Variants in ZNF804B observed in about 807,000 individuals in gnomAD.
The protein encoded by ZNF804B is zinc finger 804B.
In ZNF804B, 80 loss-of-function variants were observed where a neutral mutation model predicts 101.4. That is an observed-to-expected ratio of 0.79 (90% CI 0.66 to 0.95). The LOEUF (loss-of-function observed/expected upper bound fraction) is 0.95. Ranked by LOEUF, ZNF804B falls within the 40% of genes least tolerant of loss-of-function variation. The pLI, the probability that ZNF804B is intolerant of heterozygous loss-of-function variation, is 0.00. For synonymous variants in ZNF804B, 622 were observed against 558.8 expected (o/e 1.11, Z -1.59); for missense variants, 1,673 against 1,561.9 (o/e 1.07, Z -1.20).
chr7:88,852,064 AAAT>A (rs1193181853), intron 1 of ZNF804B, among the ~76,000 whole-genome samples: 5 of 152,120 alleles, frequency 3.3e-5, no homozygotes, highest in African/African-American at 1.2e-4. Context: ...ACCATGGAAG[AAAT>A]GAAGCCCAAG....
intron 1 of ZNF804B, among the ~76,000 whole-genome samples, chr7:88,916,640 A>T (rs1792636222): frequency 6.6e-6 from 1 of 152,190 alleles, no homozygotes; most frequent in Admixed American, 6.5e-5. Flanking sequence ...CTTATTTAAT[A>T]TATACAAGTT....
intron 1 of ZNF804B, among the ~76,000 whole-genome samples, chr7:88,915,568 A>G (rs750353726): frequency 7.2e-5 from 11 of 152,056 alleles, no homozygotes; most frequent in Non-Finnish European, 1.5e-4. Flanking sequence ...ATTTTCAAAA[A>G]CAGAGTTTTT....
At chr7:88,851,140 T>C (rs1236395566) in intron 1 of ZNF804B, among the ~76,000 whole-genome samples, 1 of 152,070 alleles carries the variant, frequency 6.6e-6, no homozygotes, top group African/African-American at 2.4e-5. Context: ...AGTAGATTGT[T>C]GGTGAGTTGT....
At chr7:89,116,229 T>A (rs1371630661) in intron 1 of ZNF804B, among the ~76,000 whole-genome samples, 1 of 152,122 alleles carries the variant, frequency 6.6e-6, no homozygotes, top group East Asian at 1.9e-4. Flanking sequence ...TTTTGTTTTT[T>A]TAATTGAAAC....
chr7:89,220,526 A>T (rs2115708629), intron 2 of ZNF804B, among the ~76,000 whole-genome samples: 1 of 152,036 alleles, frequency 6.6e-6, no homozygotes, highest in Non-Finnish European at 1.5e-5. Context: ...ATCTTGCTTG[A>T]TTTATACCAT....
intron 1 of ZNF804B, among the ~76,000 whole-genome samples, chr7:88,858,744 C>A (rs914397062): frequency 2.0e-5 from 3 of 152,018 alleles, no homozygotes; most frequent in African/African-American, 7.2e-5. Flanking sequence ...CTTTTGGAGA[C>A]ATTTTAGCGT....
In ZNF804B at chr7:89,333,399, G is replaced by A. The variant is rs747219977; in HGVS notation, c.417G>A (p.Arg139=). 6.2e-7 allele frequency: 1 copy of A among 1,611,654 alleles called. No homozygotes were observed. Among genetic ancestry groups the A allele is most frequent in the Non-Finnish European group, 8.5e-7 (1 of 1,178,924 alleles). ...SGNGPAYKAP[R]VAIEKQLQQG... ...ATGGACCAGCATACAAAGCCCCCAG[G>A]GTAGCCATAGAAAAGCAACTCCAGC... Residue 139 remains arginine, a synonymous_variant, in exon 4 of 4, where the codon AGG becomes AGA. Transcript: ENST00000333190.
chr7:88,877,238 C>T (rs1791967861), intron 1 of ZNF804B, among the ~76,000 whole-genome samples: 1 of 149,126 alleles, frequency 6.7e-6, no homozygotes. Context: ...TTTTAAAAAG[C>T]AAAATGACTA....
chr7:89,045,938 A>G (rs989111899), intron 1 of ZNF804B, among the ~76,000 whole-genome samples: 3 of 152,000 alleles, frequency 2.0e-5, no homozygotes, highest in African/African-American at 4.8e-5. Context: ...CTGGAGGTGG[A>G]ATGATATGGT....
In ZNF804B at chr7:88,852,726, G is replaced by A. The variant is rs116016305; in HGVS notation, c.108+92642G>A. ...AACATCAAATAATCACTTTGAGGAC[G>A]GTGTTAACATTTTATTTTTGCAGGT... is the stretch of plus-strand genomic sequence containing the variant. On this transcript the variant is annotated intron_variant, in intron 1 of 3. Transcript: ENST00000333190. Among the ~76,000 whole-genome samples the A allele has an allele frequency of 5.7e-3, 872 of 152,116 alleles. 8 individuals carry two copies. The highest frequency in any genetic ancestry group is 0.02 in the African/African-American group (822 of 41,500).
intron 1 of ZNF804B, among the ~76,000 whole-genome samples, chr7:89,082,960 A>C (rs928927916): frequency 6.6e-6 from 1 of 151,720 alleles, no homozygotes; most frequent in African/African-American, 2.4e-5. Context: ...CACTTTGAAG[A>C]TTGATTTTTA....
intron 1 of ZNF804B, among the ~76,000 whole-genome samples, chr7:88,897,954 A>G (rs1049408033): frequency 2.0e-5 from 3 of 151,926 alleles, no homozygotes; most frequent in Non-Finnish European, 4.4e-5. Flanking sequence ...AGTATTTAGC[A>G]GCATACCTTC....
At chr7:88,923,273 T>A (rs1792751130) in intron 1 of ZNF804B, among the ~76,000 whole-genome samples, 1 of 152,186 alleles carries the variant, frequency 6.6e-6, no homozygotes, top group Middle Eastern at 3.4e-3. Flanking sequence ...GCCATAGAAC[T>A]CTCTGATAAT....
At chr7:89,141,484 C>A (rs1790714770) in intron 1 of ZNF804B, among the ~76,000 whole-genome samples, 1 of 151,994 alleles carries the variant, frequency 6.6e-6, no homozygotes, top group Admixed American at 6.6e-5. Context: ...GGGTAATGCT[C>A]ACCTTTTGGT....
intron 1 of ZNF804B, among the ~76,000 whole-genome samples, chr7:88,849,109 C>T (rs953712537): frequency 6.6e-6 from 1 of 152,018 alleles, no homozygotes; most frequent in African/African-American, 2.4e-5. Context: ...ATACATGAAA[C>T]GTGCTATTAC....
intron 1 of ZNF804B, among the ~76,000 whole-genome samples, chr7:89,125,449 A>G (rs1790464133): frequency 6.6e-6 from 1 of 151,990 alleles, no homozygotes; most frequent in Non-Finnish European, 1.5e-5. Flanking sequence ...TCATATCTCA[A>G]AGAAACCAAT....
chr7:88,956,955 T>A (rs2116081288), intron 1 of ZNF804B, among the ~76,000 whole-genome samples: 1 of 151,614 alleles, frequency 6.6e-6, no homozygotes, highest in South Asian at 2.1e-4. Flanking sequence ...ACTTATTTTC[T>A]TCCTTATAGA....
intron 1 of ZNF804B, among the ~76,000 whole-genome samples, chr7:88,846,522 C>T (rs1030103892): frequency 2.0e-5 from 3 of 152,110 alleles, no homozygotes; most frequent in Non-Finnish European, 4.4e-5. Flanking sequence ...ATCCACACAT[C>T]GACTTTAGAC....
chr7:89,150,426 A>G (rs1790855816), intron 1 of ZNF804B, among the ~76,000 whole-genome samples: 1 of 152,092 alleles, frequency 6.6e-6, no homozygotes, highest in African/African-American at 2.4e-5. Flanking sequence ...GAGTGCACTT[A>G]GAGAGAAAAG....
Sources: allele counts gnomAD v4.1 joint callset (sites outside exome capture counted in the v4.1 genomes callset), GRCh38; gene constraint gnomAD v4.1.1; transcripts MANE v1.5; gene names NCBI Gene and HGNC (gene_info 2026-07-23, HGNC 2026-07-21).